The following POU6F2 variants were observed in gnomAD, a reference collection of about 807,000 sequenced individuals.
The protein encoded by POU6F2 is POU domain, class 6, transcription factor 2.
In POU6F2, 31 loss-of-function variants were observed where a neutral mutation model predicts 71.3. That is an observed-to-expected ratio of 0.43 (90% CI 0.33 to 0.59). The LOEUF (loss-of-function observed/expected upper bound fraction) is 0.59, where lower values mean the gene tolerates loss of function less well. POU6F2 is among the 20% of genes least tolerant of loss of function. The probability of loss-of-function intolerance (pLI) is 0.04; values close to 1 mark genes in which losing one functional copy is unlikely to be tolerated. For synonymous variants in POU6F2, 347 were observed against 355.7 expected (o/e 0.98, Z 0.27); for missense variants, 783 against 856.8 (o/e 0.91, Z 1.07).
intron 2 of POU6F2, among the ~76,000 whole-genome samples, chr7:39,176,991 T>G (rs1331707675): frequency 6.6e-6 from 1 of 152,236 alleles, no homozygotes; most frequent in African/African-American, 2.4e-5. Context: ...TCTCATGACT[T>G]ACTCTTCAAC....
chr7:39,076,154 T>C (rs1790999015), intron 1 of POU6F2, among the ~76,000 whole-genome samples: 1 of 152,144 alleles, frequency 6.6e-6, no homozygotes, highest in Non-Finnish European at 1.5e-5. Flanking sequence ...CTTCCCTTTT[T>C]CCTTTCCTTT....
chr7:39,216,945 C>T (rs1171804606), intron 4 of POU6F2, among the ~76,000 whole-genome samples: 1 of 152,010 alleles, frequency 6.6e-6, no homozygotes, highest in Non-Finnish European at 1.5e-5. Context: ...CACACACACA[C>T]CCACAGAGAG....
chr7:39,364,853 A>G (rs1180020482), intron 5 of POU6F2, among the ~76,000 whole-genome samples: 1 of 152,188 alleles, frequency 6.6e-6, no homozygotes, highest in Non-Finnish European at 1.5e-5. Flanking sequence ...ACTGTTTTCC[A>G]TAGTGGTTGT....
intron 6 of POU6F2, among the ~76,000 whole-genome samples, chr7:39,426,415 C>T (rs1218166754): frequency 1.4e-4 from 21 of 152,172 alleles, no homozygotes; most frequent in Non-Finnish European, 2.2e-4. Flanking sequence ...TGGCCATTCC[C>T]CAAGGGGTCC....
At chr7:39,425,553 C>T (rs527300964) in intron 6 of POU6F2, among the ~76,000 whole-genome samples, 7 of 152,218 alleles carry the variant, frequency 4.6e-5, no homozygotes, top group Non-Finnish European at 8.8e-5. Context: ...CTAATGCATT[C>T]GAATAGTATA....
At chr7:39,306,730 G>A (rs931580170) in intron 4 of POU6F2, among the ~76,000 whole-genome samples, 11 of 152,258 alleles carry the variant, frequency 7.2e-5, no homozygotes, top group African/African-American at 2.6e-4. Context: ...AAAGCCTAAG[G>A]ACTTTCTTTC....
At chr7:39,175,615 A>C (rs191716430) in intron 2 of POU6F2, among the ~76,000 whole-genome samples, 1 of 152,236 alleles carries the variant, frequency 6.6e-6, no homozygotes, top group East Asian at 1.9e-4. Flanking sequence ...GTAATAATGA[A>C]CCCAGCTCTG....
intron 2 of POU6F2, among the ~76,000 whole-genome samples, chr7:39,095,960 C>T (rs368619218): frequency 2.6e-5 from 4 of 152,100 alleles, no homozygotes; most frequent in African/African-American, 7.2e-5. Context: ...CATGCATTTC[C>T]TTTATGGAAT....
At chr7:39,017,939 G>T (rs1362057425) in intron 1 of POU6F2, among the ~76,000 whole-genome samples, 1 of 151,384 alleles carries the variant, frequency 6.6e-6, no homozygotes, top group Non-Finnish European at 1.5e-5. Flanking sequence ...ATGTTAATTT[G>T]TATTCTTTTC....
At chr7:39,232,207 T>G (rs1400511019) in intron 4 of POU6F2, among the ~76,000 whole-genome samples, 1 of 152,188 alleles carries the variant, frequency 6.6e-6, no homozygotes, top group East Asian at 1.9e-4. Flanking sequence ...TATGATTACA[T>G]GTGAATAGAT....
At chr7:39,008,953 G>C (rs944108297) in intron 1 of POU6F2, among the ~76,000 whole-genome samples, 7 of 152,048 alleles carry the variant, frequency 4.6e-5, no homozygotes, top group African/African-American at 1.7e-4. Context: ...AAGTCAGGTA[G>C]CATGATGCCT....
At chr7:39,215,157 C>G (rs1794215029) in intron 4 of POU6F2, among the ~76,000 whole-genome samples, 1 of 152,096 alleles carries the variant, frequency 6.6e-6, no homozygotes, top group Non-Finnish European at 1.5e-5. Flanking sequence ...CCAGCCTGGC[C>G]AACATGGCAA....
At chr7:39,165,579 T>C (rs1471664002) in intron 2 of POU6F2, among the ~76,000 whole-genome samples, 1 of 152,232 alleles carries the variant, frequency 6.6e-6, no homozygotes, top group African/African-American at 2.4e-5. Flanking sequence ...TCTGTAACCC[T>C]GAAGGATAGT....
chr7:39,238,003 T>C (rs758102066), intron 4 of POU6F2, among the ~76,000 whole-genome samples: 31 of 152,118 alleles, frequency 2.0e-4, no homozygotes, highest in Non-Finnish European at 4.1e-4. Context: ...GTCTTTGAGA[T>C]GTGAATGAAA....
At position 39,081,926 on chromosome 7, in the gene POU6F2, G is replaced by A. The variant is rs374508255; in HGVS notation, c.106-3934G>A. ...TGAATTGGCCAGGTTTGAAAATGCA[G>A]CTTTACCACTTAGCTGCGTGCCTTT... On this transcript the variant is annotated intron_variant, in intron 1 of 9. Transcript: ENST00000518318. Among the ~76,000 whole-genome samples, 103 of 152,314 alleles carry A rather than the reference G, an allele frequency of 6.8e-4. 5 individuals carry two copies. In the South Asian group the frequency reaches 0.021, roughly 30 times the overall value.
At position 39,340,092 on chromosome 7, in the gene POU6F2, AGAGG is replaced by A; in HGVS notation, c.972+80_972+83del. The A allele has an allele frequency of 2.8e-6, 4 of 1,442,982 alleles. No homozygotes were observed. In the Admixed American group the frequency reaches 7.3e-5, roughly 26 times the overall value. 89.4% of individuals were successfully genotyped at this position (1,442,982 alleles called of 1,614,324 possible). ...ATGGGGTGGTGCCATCCCCAAAGGCAGAGGGACCACACAAAACTTAGCATCCAGT... is the reference window on the plus strand; with the variant it reads ...ATGGGGTGGTGCCATCCCCAAAGGCAGACCACACAAAACTTAGCATCCAGT... On this transcript the variant is annotated intron_variant, in intron 5 of 9. Transcript: ENST00000518318.
intron 5 of POU6F2, among the ~76,000 whole-genome samples, chr7:39,384,701 C>G (rs530769065): frequency 6.6e-6 from 1 of 152,358 alleles, no homozygotes; most frequent in African/African-American, 2.4e-5. Context: ...AGAGAGATCT[C>G]TCCTGACCAC....
chr7:39,293,428 T>C (rs966246082), intron 4 of POU6F2, among the ~76,000 whole-genome samples: 1 of 152,222 alleles, frequency 6.6e-6, no homozygotes, highest in Non-Finnish European at 1.5e-5. Flanking sequence ...TTATCTGCAG[T>C]CTATTCATAT....
rs1173094666 is a variant in POU6F2, at chr7:39,011,598, G to C, written c.105+33540G>C. Among the ~76,000 whole-genome samples, 6 of 147,424 alleles carry C rather than the reference G, an allele frequency of 4.1e-5. No homozygotes were observed. In the South Asian group the frequency reaches 1.1e-3, roughly 28 times the overall value. ...TAGCTGGTGATTTTGCTCATTAGTTGATGCAGTTTCTTCCTAGTCTCGATG... is the reference window on the plus strand; with the variant it reads ...TAGCTGGTGATTTTGCTCATTAGTTCATGCAGTTTCTTCCTAGTCTCGATG... On this transcript the variant is annotated intron_variant, in intron 1 of 9. Transcript: ENST00000518318.
Sources: gnomAD v4.1 joint callset for allele counts (sites outside exome capture counted in the v4.1 genomes callset) on GRCh38, gnomAD v4.1.1 for gene constraint, MANE v1.5 for transcripts, NCBI Gene and HGNC (gene_info 2026-07-23, HGNC 2026-07-21) for gene names.